The following CCDC149 variants were observed in gnomAD, a reference collection of about 807,000 sequenced individuals.
CCDC149 encodes the protein coiled-coil domain containing 149.
A neutral mutation model predicts 59.9 loss-of-function variants in CCDC149; 45 were observed. The observed-to-expected ratio is 0.75, with a 90% CI of 0.59 to 0.96. The LOEUF (loss-of-function observed/expected upper bound fraction) is 0.96. CCDC149 is among the 40% of genes least tolerant of loss of function. CCDC149 has a pLI of 0.00. For synonymous variants in CCDC149, 245 were observed against 260.6 expected, an observed-to-expected ratio of 0.94 and a Z score of 0.58; for missense variants, 584 against 664.7, an observed-to-expected ratio of 0.88 and a Z score of 1.33.
chr4:24,967,921 T>G (rs1723845080), intron 1 of CCDC149, among the ~76,000 whole-genome samples: 1 of 152,080 alleles, frequency 6.6e-6, no homozygotes, highest in African/African-American at 2.4e-5. Context: ...TTCAGGCATA[T>G]CCCAGGCCCA....
chr4:24,813,527 T>TATATATATA (rs1405803152), intron 12 of CCDC149, among the ~76,000 whole-genome samples: 1 of 91,264 alleles, frequency 1.1e-5, no homozygotes, highest in South Asian at 3.6e-4. Context: ...TATATATATA[T>TATATATATA]AAAACCTAAA....
chr4:24,841,646 C>T (rs1444718934), intron 4 of CCDC149, among the ~76,000 whole-genome samples: 1 of 152,210 alleles, frequency 6.6e-6, no homozygotes. Flanking sequence ...AGGGAGAAGG[C>T]TCCTGCCTTC....
Position 24,837,125 on chromosome 4 carries a change from G to C in CCDC149, c.662+103C>G. The C allele has an allele frequency of 9.0e-7, 1 of 1,108,272 alleles. No homozygotes were observed. Among genetic ancestry groups the C allele is most frequent in the Non-Finnish European group, 1.3e-6 (1 of 781,732 alleles). 68.7% of individuals were successfully genotyped at this position (1,108,272 alleles called of 1,614,324 possible). On this transcript the variant is annotated intron_variant, in intron 6 of 12. Coordinates refer to ENST00000635206, the MANE Select transcript of CCDC149 (RefSeq NM_001330643.2). The surrounding 1 kb of genome is among the most constrained non-coding windows in gnomAD (Gnocchi z 4.3). ...GAGTGAGTTTCTTTTCACTTGTAAG[G>C]CAATTTTCTCCAAAATAAATAGGGC... is the stretch of plus-strand genomic sequence containing the variant.
intron 3 of CCDC149, among the ~76,000 whole-genome samples, chr4:24,856,065 G>T (rs1164078965): frequency 1.3e-5 from 2 of 152,202 alleles, no homozygotes; most frequent in Non-Finnish European, 2.9e-5. Flanking sequence ...TCATGTGTGG[G>T]CTCACTAAAG....
intron 1 of CCDC149, among the ~76,000 whole-genome samples, chr4:24,962,641 C>T (rs1723668605): frequency 6.6e-6 from 1 of 151,976 alleles, no homozygotes; most frequent in Admixed American, 6.6e-5. Flanking sequence ...GGACAAAAAA[C>T]CAAGCACCTC....
At chr4:24,942,037 C>T (rs1193255972) in intron 1 of CCDC149, among the ~76,000 whole-genome samples, 5 of 152,224 alleles carry the variant, frequency 3.3e-5, no homozygotes, top group Admixed American at 2.0e-4. Flanking sequence ...TGCTCCCTAA[C>T]TCATTTTATG....
intron 1 of CCDC149, among the ~76,000 whole-genome samples, chr4:24,879,112 C>T (rs1156489524): frequency 1.3e-5 from 2 of 152,274 alleles, no homozygotes; most frequent in East Asian, 1.9e-4. Flanking sequence ...AGGCTGAAGC[C>T]TCATTTGTAA....
At chr4:24,979,287 G>A (rs1366762281) in intron 1 of CCDC149, among the ~76,000 whole-genome samples, 2 of 152,156 alleles carry the variant, frequency 1.3e-5, no homozygotes, top group African/African-American at 4.8e-5. Flanking sequence ...ACACCACCAG[G>A]AACAGGGAAT....
At chr4:24,848,090 G>A (rs1289917582) in intron 4 of CCDC149, among the ~76,000 whole-genome samples, 1 of 151,956 alleles carries the variant, frequency 6.6e-6, no homozygotes, top group Non-Finnish European at 1.5e-5. Context: ...GCCATTCTGA[G>A]TAGCATGATG....
chr4:24,895,883 A>C lies in CCDC149; in HGVS notation c.63+16934T>G, dbSNP rs146883014. 9.1e-4 allele frequency among the ~76,000 whole-genome samples: 139 copies of C among 152,280 alleles called. 1 individual carries two copies. The highest frequency in any genetic ancestry group is 3.3e-3 in the African/African-American group (138 of 41,564). On this transcript the variant is annotated intron_variant, in intron 1 of 12. Transcript: ENST00000635206. ...CACTGTTGCTCAATTTCCAGCCTAT[A>C]CTGAAGTCTGGGCAGGAATCTAGAA... is the stretch of plus-strand genomic sequence containing the variant.
At chr4:24,924,106 G>A (rs944488252) in intron 1 of CCDC149, among the ~76,000 whole-genome samples, 3 of 152,120 alleles carry the variant, frequency 2.0e-5, no homozygotes, top group Non-Finnish European at 4.4e-5. Flanking sequence ...ACAGACATAT[G>A]GCTACACACC....
At chr4:24,970,606 G>C (rs192550273) in intron 1 of CCDC149, among the ~76,000 whole-genome samples, 6 of 152,128 alleles carry the variant, frequency 3.9e-5, no homozygotes, top group African/African-American at 1.4e-4. Context: ...AAGGTATAGT[G>C]ACAAGGTGGT....
intron 3 of CCDC149, among the ~76,000 whole-genome samples, chr4:24,865,782 T>A (rs565334296): frequency 2.2e-4 from 33 of 152,366 alleles, no homozygotes; most frequent in Non-Finnish European, 4.0e-4. Context: ...TTTAGACTCA[T>A]TGAGCCTAAA....
chr4:24,957,272 G>T (rs1474582687), intron 1 of CCDC149, among the ~76,000 whole-genome samples: 2 of 152,186 alleles, frequency 1.3e-5, no homozygotes, highest in African/African-American at 2.4e-5. Context: ...TACCTCTGGG[G>T]TTAGAGGGCA....
At chr4:24,887,195 A>G (rs1720234388) in intron 1 of CCDC149, among the ~76,000 whole-genome samples, 1 of 143,250 alleles carries the variant, frequency 7.0e-6, no homozygotes, top group Admixed American at 7.6e-5. Flanking sequence ...TTAAATGGCT[A>G]TCTGACATAC....
At chr4:24,977,761 C>T (rs947744180) in intron 1 of CCDC149, among the ~76,000 whole-genome samples, 1 of 152,150 alleles carries the variant, frequency 6.6e-6, no homozygotes, top group Non-Finnish European at 1.5e-5. Flanking sequence ...GGAATATTGA[C>T]CAGATGATAA....
chr4:24,845,841 G>A (rs911367785), intron 4 of CCDC149, among the ~76,000 whole-genome samples: 2 of 152,194 alleles, frequency 1.3e-5, no homozygotes, highest in African/African-American at 4.8e-5. Context: ...CAGCTAAGAA[G>A]CCCCTGAATC....
At chr4:24,805,213 G>C (rs959969547), downstream of CCDC149, among the ~76,000 whole-genome samples, 4 of 152,156 alleles carry the variant, frequency 2.6e-5, no homozygotes, top group African/African-American at 9.7e-5. Context: ...TGTCAGCTCT[G>C]TTTCATTTCT....
At chr4:24,838,067 T>G in intron 5 of CCDC149, 89 bp downstream of exon 5, 3 of 1,045,400 alleles carry the variant, frequency 2.9e-6, no homozygotes, top group Non-Finnish European at 4.5e-6. Context: ...CCCCATACTC[T>G]GAGAAACGAG....
Sources: gnomAD v4.1 joint callset for allele counts (sites outside exome capture counted in the v4.1 genomes callset) on GRCh38, gnomAD v4.1.1 for gene constraint, Gnocchi (gnomAD v3.1) non-coding constraint, MANE v1.5 for transcripts, NCBI Gene and HGNC (gene_info 2026-07-23, HGNC 2026-07-21) for gene names.